The following ARR3 variants were observed in gnomAD, a reference collection of about 807,000 sequenced individuals.
ARR3 encodes arrestin 3.
In ARR3, 14 loss-of-function variants were observed where a neutral mutation model predicts 35.4. The observed-to-expected ratio is 0.40, with a 90% confidence interval of 0.26 to 0.62. ARR3 has a LOEUF of 0.62. Among genes scored for constraint, ARR3 ranks in the 20% least tolerant of loss-of-function variants. The probability of loss-of-function intolerance (pLI) is 0.46; values close to 1 mark genes in which losing one functional copy is unlikely to be tolerated. For missense variants in ARR3, 259 were observed against 303.8 expected (o/e 0.85, Z 1.10); for synonymous variants, 97 against 119.1 (o/e 0.81, Z 1.21).
At chrX:70,278,374 G>T in intron 11 of ARR3, 130 bp from the exon 12 acceptor site, 1 of 874,811 alleles carries the variant, frequency 1.1e-6, no homozygotes, top group South Asian at 2.6e-5. Context: ...CCAGTCTTCA[G>T]TTAAACATGT....
At chrX:70,277,566 C>G (rs751746841) in intron 9 of ARR3, 37 bp downstream of exon 9, 2 of 1,198,049 alleles carry the variant, frequency 1.7e-6, no homozygotes, top group African/African-American at 3.5e-5. Flanking sequence ...CACCCCAGAA[C>G]CCCTCTGATG....
At chrX:70,278,039 A>T (rs2085661481) in intron 10 of ARR3, 27 bp from the exon 11 acceptor site, 1 of 1,199,484 alleles carries the variant, frequency 8.3e-7, no homozygotes, top group Admixed American at 2.2e-5. Context: ...ACTGATTATA[A>T]TCATGTGCTT....
chrX:70,269,226 T>C, intron 1 of ARR3, 130 bp from the exon 2 acceptor site: 3 of 579,220 alleles, frequency 5.2e-6, no homozygotes, highest in Non-Finnish European at 7.6e-6. Flanking sequence ...AGGAGGTACT[T>C]GATGTGGGTG....
intron 12 of ARR3, among the ~76,000 whole-genome samples, chrX:70,278,914 A>G (rs1420602600): frequency 8.9e-6 from 1 of 112,906 alleles, no homozygotes; most frequent in Non-Finnish European, 1.9e-5. Context: ...ACAGTTCACA[A>G]AGGTCCGACA....
rs773741025 is a variant in ARR3, at chrX:70,269,010, G to A, written c.-30-346G>A. Among the ~76,000 whole-genome samples the A allele has an allele frequency of 7.7e-4, 86 of 112,395 alleles. 2 individuals carry two copies. The highest frequency in any genetic ancestry group is 1.9e-4 in the Non-Finnish European group (10 of 53,243). On this transcript the variant is annotated intron_variant, in intron 1 of 16. Coordinates refer to ENST00000307959, the MANE Select transcript of ARR3 (RefSeq NM_004312.3). ...TTTTCTCACACTTTTCTGGATGGAA[G>A]CCTCTGTCCAGCCTCTTTCCAGAGA...
chrX:70,279,850 G>A (rs969272020), intron 12 of ARR3, among the ~76,000 whole-genome samples: 3 of 112,017 alleles, frequency 2.7e-5, no homozygotes, highest in African/African-American at 9.8e-5. Flanking sequence ...GGCATGTTCT[G>A]ATCACGGAGA....
chrX:70,270,055 G>A, intron 4 of ARR3, 45 bp from the exon 5 acceptor site: 1 of 1,201,615 alleles, frequency 8.3e-7, no homozygotes, highest in Non-Finnish European at 1.1e-6. Context: ...TTCATAGTCT[G>A]AGAGTTTTTC....
At chrX:70,280,066 T>C in intron 12 of ARR3, 129 bp from the exon 13 acceptor site, 1 of 587,797 alleles carries the variant, frequency 1.7e-6, no homozygotes, top group Non-Finnish European at 2.7e-6. Flanking sequence ...GGTTAGAGCC[T>C]GGGAGATATT....
rs2085663427 is a variant in ARR3 at position 70,278,394 on chromosome X, T to C, written c.768-110T>C. On this transcript the variant is annotated intron_variant, in intron 11 of 16. Coordinates refer to ENST00000307959, the MANE Select transcript of ARR3 (RefSeq NM_004312.3). ...CTTCAGTTAAACATGTTACCTCTCT[T>C]GGATACTCCAGTAGGTTCTTGTATA... 5.2e-6 allele frequency: 5 copies of C among 969,412 alleles called. No homozygotes were observed. The South Asian group carries it at 9.7e-5, about 19-fold the overall frequency. 79.9% of individuals were successfully genotyped at this position (969,412 alleles called of 1,213,427 possible).
At chrX:70,280,399 G>C in intron 13 of ARR3, 121 bp downstream of exon 13, 1 of 975,946 alleles carries the variant, frequency 1.0e-6, no homozygotes, top group Non-Finnish European at 1.4e-6. Context: ...TCCCAGACCA[G>C]GTTCCCAAAC....
At chrX:70,270,450 C>G (rs1428174457) in intron 5 of ARR3, among the ~76,000 whole-genome samples, 1 of 112,212 alleles carries the variant, frequency 8.9e-6, no homozygotes, top group African/African-American at 3.2e-5. Context: ...TTCAAAATTA[C>G]ACAAAACTTA....
At chrX:70,276,858 C>A in intron 8 of ARR3, 122 bp downstream of exon 8, 1 of 616,092 alleles carries the variant, frequency 1.6e-6, no homozygotes, top group Non-Finnish European at 2.5e-6. Flanking sequence ...CAGTGACACC[C>A]GGTTCTGAGT....
In ARR3 at chrX:70,280,834, G is replaced by A; in HGVS notation, c.1066+16G>A. 8.3e-7 allele frequency: 1 copy of A among 1,210,223 alleles called. No individual in the cohort carries two copies. Among genetic ancestry groups the A allele is most frequent in the Non-Finnish European group, 1.1e-6 (1 of 894,301 alleles). On this transcript the variant is annotated intron_variant, in intron 15 of 16. Transcript: ENST00000307959. ...CCATCTCATGGTGAGTGACCAGGTGGAACTCACAGGGACGGCTGTCCTGAG... is the reference window on the plus strand; with the variant it reads ...CCATCTCATGGTGAGTGACCAGGTGAAACTCACAGGGACGGCTGTCCTGAG...
At chrX:70,280,121 T>G in intron 12 of ARR3, 74 bp from the exon 13 acceptor site, 1 of 972,868 alleles carries the variant, frequency 1.0e-6, no homozygotes, top group Admixed American at 2.3e-5. Flanking sequence ...TAGGAATGCA[T>G]GAGAAGAAAC....
chrX:70,276,360 A>C (rs941556108), intron 6 of ARR3, 73 bp from the exon 7 acceptor site: 1 of 1,187,819 alleles, frequency 8.4e-7, no homozygotes, highest in Non-Finnish European at 1.1e-6. Flanking sequence ...AACAAGGGAG[A>C]GGGTTCCCCA....
At chrX:70,277,286 T>G in intron 8 of ARR3, 108 bp from the exon 9 acceptor site, 1 of 1,046,108 alleles carries the variant, frequency 9.6e-7, no homozygotes, top group Non-Finnish European at 1.3e-6. Context: ...GAGGGAGGCC[T>G]TCCCCTGCTC....
In ARR3 at chrX:70,277,772, C is replaced by T; in HGVS notation, c.666C>T (p.Asn222=). 1 of 1,209,721 alleles carries T rather than the reference C, an allele frequency of 8.3e-7. No homozygotes were observed. The highest frequency in any genetic ancestry group is 1.1e-6 in the Non-Finnish European group (1 of 894,109). ...SVNVSINNCT[N]KVIKKIKISV... Reference sequence around the variant, plus strand: ...ATGTTTCTATCAACAACTGCACCAACAAGGTCATCAAAAAAATCAAGATTT... The same window carrying T: ...ATGTTTCTATCAACAACTGCACCAATAAGGTCATCAAAAAAATCAAGATTT... The change falls in exon 10 of 17, where the codon AAC becomes AAT. Residue 222 remains asparagine (N), a synonymous_variant. Coordinates refer to ENST00000307959, the MANE Select transcript of ARR3 (RefSeq NM_004312.3).
intron 5 of ARR3, among the ~76,000 whole-genome samples, chrX:70,270,778 T>C (rs80158807): frequency 1.1e-3 from 124 of 110,562 alleles, no homozygotes; most frequent in East Asian, 0.011. Context: ...TGGCTGACCT[T>C]TTATTCAAGA....
intron 16 of ARR3, 190 bp downstream of exon 16, chrX:70,281,298 C>T: frequency 2.0e-6 from 1 of 491,167 alleles, no homozygotes; most frequent in Non-Finnish European, 3.4e-6. Flanking sequence ...TGCATCCCCC[C>T]GCCCTCCACC....
Sources: gnomAD v4.1 joint callset for allele counts (sites outside exome capture counted in the v4.1 genomes callset) on GRCh38, gnomAD v4.1.1 for gene constraint, MANE v1.5 for transcripts, NCBI Gene and HGNC (gene_info 2026-07-23, HGNC 2026-07-21) for gene names.